The following FAM227A variants were observed in gnomAD, a reference collection of about 807,000 sequenced individuals.
FAM227A encodes the protein family with sequence similarity 227 member A.
A neutral mutation model predicts 74.7 loss-of-function variants in FAM227A; 80 were observed. The observed-to-expected ratio is 1.07, with a 90% CI of 0.89 to 1.29. The LOEUF (loss-of-function observed/expected upper bound fraction) is 1.29, where lower values mean the gene tolerates loss of function less well. Among genes scored for constraint, FAM227A ranks in the 50% most tolerant of loss-of-function variants. The pLI is 0.00. For synonymous variants in FAM227A, 237 were observed against 241.8 expected, an observed-to-expected ratio of 0.98 and a Z score of 0.19; for missense variants, 654 against 683.4, an observed-to-expected ratio of 0.96 and a Z score of 0.48.
intron 13 of FAM227A, among the ~76,000 whole-genome samples, chr22:38,604,103 G>A (rs528440045): frequency 1.3e-5 from 2 of 152,222 alleles, no homozygotes; most frequent in Admixed American, 1.3e-4. Context: ...GAAGGGGGCG[G>A]ATCACCTGAG....
chr22:38,607,415 CT>C lies in FAM227A; in HGVS notation c.1099del (p.Ser367AlafsTer18). ...TTTTGCAGTATTCTGCATTCGTAAG[CT>C]TTTTTCTGAGTTCTGCTTGGCCGAA... ...TSSAKQNSEK[S>X]LRMQNTAKEH... On this transcript the variant is annotated frameshift_variant, in exon 12 of 17. Transcript: ENST00000535113. LOFTEE classifies it high-confidence loss of function. The C allele has an allele frequency of 1.3e-6, 2 of 1,551,284 alleles. No homozygotes were observed. Among genetic ancestry groups the C allele is most frequent in the Non-Finnish European group, 1.7e-6 (2 of 1,146,864 alleles).
intron 3 of FAM227A, among the ~76,000 whole-genome samples, 182 bp downstream of exon 3, chr22:38,645,381 C>T (rs1287875646): frequency 6.6e-6 from 1 of 151,858 alleles, no homozygotes; most frequent in African/African-American, 2.4e-5. Context: ...CAAAGCGAGA[C>T]TCCATCTCAA....
intron 3 of FAM227A, 88 bp from the exon 4 acceptor site, chr22:38,639,812 TG>T: frequency 5.4e-6 from 5 of 930,768 alleles, no homozygotes; most frequent in Non-Finnish European, 8.5e-6. Context: ...TTCCTCTTGT[TG>T]GTGCACAAAA....
intron 16 of FAM227A, among the ~76,000 whole-genome samples, chr22:38,590,121 C>CAAAACAAAAAAAT (rs2090899693): frequency 7.7e-6 from 1 of 129,878 alleles, no homozygotes; most frequent in African/African-American, 3.1e-5. Context: ...AACAAAAAAA[C>CAAAACAAAAAAAT]GAAAAAAATT....
intron 9 of FAM227A, 33 bp downstream of exon 9, chr22:38,626,147 C>A: frequency 6.5e-7 from 1 of 1,546,722 alleles, no homozygotes; most frequent in South Asian, 1.2e-5. Flanking sequence ...TTTCTAGAAT[C>A]GCTTTCCCCG....
intron 3 of FAM227A, among the ~76,000 whole-genome samples, chr22:38,644,781 T>C (rs938161890): frequency 3.9e-5 from 6 of 152,166 alleles, no homozygotes; most frequent in Admixed American, 6.5e-5. Context: ...TGTGAACTTA[T>C]AATTGCTCTA....
intron 6 of FAM227A, among the ~76,000 whole-genome samples, chr22:38,632,584 A>C (rs2091934973): frequency 1.3e-5 from 2 of 152,220 alleles, no homozygotes; most frequent in Non-Finnish European, 2.9e-5. Context: ...ATAGCAGCAC[A>C]AAGAGACTAA....
intron 11 of FAM227A, among the ~76,000 whole-genome samples, chr22:38,615,832 AG>A (rs2146327626): frequency 6.6e-6 from 1 of 152,338 alleles, no homozygotes; most frequent in South Asian, 2.1e-4. Flanking sequence ...AGTAAAAGAA[AG>A]GAGCCCAGGT....
At chr22:38,614,257 C>G (rs1170840386) in intron 11 of FAM227A, among the ~76,000 whole-genome samples, 2 of 152,278 alleles carry the variant, frequency 1.3e-5, no homozygotes, top group East Asian at 3.9e-4. Context: ...CTGGTTTTCT[C>G]TCTCCCTATC....
At chr22:38,647,473 A>AC (rs1249247594) in intron 2 of FAM227A, among the ~76,000 whole-genome samples, 1 of 152,130 alleles carries the variant, frequency 6.6e-6, no homozygotes, top group Non-Finnish European at 1.5e-5. Context: ...CGAAACAACA[A>AC]AAAAAAGAAA....
At chr22:38,589,531 C>T (rs1252448448) in intron 16 of FAM227A, among the ~76,000 whole-genome samples, 3 of 152,130 alleles carry the variant, frequency 2.0e-5, no homozygotes, top group Non-Finnish European at 4.4e-5. Context: ...TTGAAGGACT[C>T]TACCCTCTGG....
intron 1 of FAM227A, chr22:38,653,783 T>C (rs1167392138): frequency 1.3e-5 from 2 of 152,186 alleles, no homozygotes; most frequent in Non-Finnish European, 2.9e-5. Flanking sequence ...GGACTGTGGA[T>C]GAAATGATTA....
At chr22:38,633,165 A>G (rs1160665559) in intron 6 of FAM227A, among the ~76,000 whole-genome samples, 1 of 152,210 alleles carries the variant, frequency 6.6e-6, no homozygotes, top group African/African-American at 2.4e-5. Flanking sequence ...AAAGTTTGAC[A>G]TGGCCCCTAA....
chr22:38,614,678 G>A (rs2091539490), intron 11 of FAM227A, among the ~76,000 whole-genome samples: 1 of 152,162 alleles, frequency 6.6e-6, no homozygotes, highest in African/African-American at 2.4e-5. Flanking sequence ...CTTCAGCTGT[G>A]CTCAAGGTTC....
rs191753520 is a variant in FAM227A at position 38,622,824 on chromosome 22, C to T, written c.958+348G>A. Among the ~76,000 whole-genome samples, 92 of 140,330 alleles carry T rather than the reference C, an allele frequency of 6.6e-4. 1 individual carries two copies. The East Asian group carries it at 0.017, about 26-fold the overall frequency. 92.1% of individuals were successfully genotyped at this position (140,330 alleles called of 152,430 possible). A position where few individuals can be genotyped will look rare whatever the true frequency, so the allele number is the denominator to read the frequency against. ...CCGGGAGGTGGAGGTTGCAGTAAGCCGAGATCACACCACTGCACTCCAGCC... is the reference window on the plus strand; with the variant it reads ...CCGGGAGGTGGAGGTTGCAGTAAGCTGAGATCACACCACTGCACTCCAGCC... On this transcript the variant is annotated intron_variant, in intron 10 of 16. Coordinates refer to ENST00000535113, the MANE Select transcript of FAM227A (RefSeq NM_001013647.2).
In FAM227A at chr22:38,580,262, CCT is replaced by C. The variant is rs749599819; in HGVS notation, c.*5861_*5862del. 15 of 152,088 alleles carry C rather than the reference CCT, an allele frequency of 9.9e-5. No homozygotes were observed. Among genetic ancestry groups the C allele is most frequent in the South Asian group, 4.2e-4 (2 of 4,814 alleles). The allele number at this position is 152,088 out of a possible 1,614,324, so 9.4% of individuals were successfully genotyped here. A position where few individuals can be genotyped will look rare whatever the true frequency, so the allele number is the denominator to read the frequency against. Reference sequence around the variant, plus strand: ...AGTCTCTTTTAATCTATATATTCCCCCTCTCTTTTTCCCTTGAAACTTATTTG... The same window carrying C: ...AGTCTCTTTTAATCTATATATTCCCCCTCTTTTTCCCTTGAAACTTATTTG... On this transcript the variant is annotated 3_prime_UTR_variant, in exon 17 of 17. Transcript: ENST00000535113.
intron 1 of FAM227A, among the ~76,000 whole-genome samples, chr22:38,655,867 C>A (rs1215265089): frequency 1.3e-5 from 2 of 152,294 alleles, no homozygotes; most frequent in East Asian, 3.9e-4. Flanking sequence ...CTGATACACC[C>A]ACTAGGCAGC....
At position 38,600,316 on chromosome 22, in the gene FAM227A, G is replaced by GTATATATA. The variant is rs60675971; in HGVS notation, c.1222-403_1222-396dup. ...TATGTGTGTGTGTATGTGTATGTAT[G>GTATATATA]TATATATATATATATATAATTTTAT... On this transcript the variant is annotated intron_variant, in intron 13 of 16. Transcript: ENST00000535113. Among the ~76,000 whole-genome samples the GTATATATA allele has an allele frequency of 1.4e-4, 21 of 147,562 alleles. No individual in the cohort carries two copies. In the South Asian group the frequency reaches 4.5e-3, roughly 32 times the overall value.
chr22:38,601,190 A>G (rs990737791), intron 13 of FAM227A, among the ~76,000 whole-genome samples: 3 of 152,192 alleles, frequency 2.0e-5, no homozygotes, highest in Non-Finnish European at 4.4e-5. Context: ...ATAACATGAT[A>G]TGATGAATAC....
Sources: allele counts gnomAD v4.1 joint callset (sites outside exome capture counted in the v4.1 genomes callset), GRCh38; gene constraint gnomAD v4.1.1; transcripts MANE v1.5; gene names NCBI Gene and HGNC (gene_info 2026-07-23, HGNC 2026-07-21).